Variants in THRB observed in about 807,000 individuals in gnomAD.
THRB encodes thyroid hormone receptor beta.
A neutral mutation model predicts 47.8 loss-of-function variants in THRB; 12 were observed. That is an observed-to-expected ratio of 0.25 (90% CI 0.16 to 0.41). The LOEUF is 0.41. Among genes scored for constraint, THRB ranks in the 10% least tolerant of loss-of-function variants. The pLI is 1.00. For missense variants in THRB, 348 were observed against 589.2 expected, an observed-to-expected ratio of 0.59 and a Z score of 4.24; for synonymous variants, 218 against 212.2, an observed-to-expected ratio of 1.03 and a Z score of -0.24.
intron 8 of THRB, among the ~76,000 whole-genome samples, chr3:24,135,286 G>T (rs1304332334): frequency 6.6e-6 from 1 of 152,190 alleles, no homozygotes; most frequent in Non-Finnish European, 1.5e-5. Flanking sequence ...GGGTCAACAG[G>T]AGCAGCCCAG....
At chr3:24,477,085 G>GGTGTGTGTGT (rs71855335) in intron 1 of THRB, among the ~76,000 whole-genome samples, 98 of 137,652 alleles carry the variant, frequency 7.1e-4, no homozygotes, top group African/African-American at 2.4e-3. Context: ...CATATAAAGG[G>GGTGTGTGTGT]GTGTGTGTGT....
chr3:24,316,301 A>AT, intron 2 of THRB, among the ~76,000 whole-genome samples: 1 of 152,206 alleles, frequency 6.6e-6, no homozygotes, highest in Non-Finnish European at 1.5e-5. Context: ...CTATCATGCC[A>AT]GTAACATTTC....
intron 1 of THRB, among the ~76,000 whole-genome samples, chr3:24,345,146 G>A (rs1322198224): frequency 1.3e-5 from 2 of 152,128 alleles, no homozygotes; most frequent in Non-Finnish European, 2.9e-5. Flanking sequence ...TTTATACGGT[G>A]CAACTATCAA....
intron 2 of THRB, among the ~76,000 whole-genome samples, chr3:24,324,425 G>A (rs1223597552): frequency 1.3e-5 from 2 of 151,990 alleles, no homozygotes; most frequent in Non-Finnish European, 2.9e-5. Flanking sequence ...CAAGCACACT[G>A]ACCAAGGCAT....
chr3:24,334,335 T>C (rs904013594), intron 2 of THRB, among the ~76,000 whole-genome samples: 2 of 152,190 alleles, frequency 1.3e-5, no homozygotes, highest in Admixed American at 6.5e-5. Context: ...ATGAGAAGTC[T>C]GCATTTTATA....
At chr3:24,297,517 A>C (rs1326366150) in intron 2 of THRB, 146 bp from the exon 3 acceptor site, 1 of 152,252 alleles carries the variant, frequency 6.6e-6, no homozygotes, top group East Asian at 1.9e-4. Flanking sequence ...CGAGTTATGA[A>C]GGCCCTATAA....
intron 3 of THRB, among the ~76,000 whole-genome samples, chr3:24,245,110 C>T (rs182454865): frequency 3.4e-4 from 52 of 152,298 alleles, no homozygotes; most frequent in Non-Finnish European, 6.9e-4. Flanking sequence ...CTCTTGGGGA[C>T]TGCTGCTATG....
intron 10 of THRB, among the ~76,000 whole-genome samples, chr3:24,127,233 A>G (rs963594737): frequency 2.0e-5 from 3 of 152,200 alleles, no homozygotes; most frequent in African/African-American, 4.8e-5. Context: ...AGGGCTGCAC[A>G]GTATCCACCA....
chr3:24,173,695 C>A (rs954964764), intron 5 of THRB, among the ~76,000 whole-genome samples: 1 of 152,208 alleles, frequency 6.6e-6, no homozygotes, highest in African/African-American at 2.4e-5. Flanking sequence ...CAGTCATCTT[C>A]AAGGGATGAT....
intron 3 of THRB, among the ~76,000 whole-genome samples, chr3:24,253,488 A>G (rs1220483392): frequency 1.3e-5 from 2 of 152,196 alleles, no homozygotes; most frequent in Admixed American, 6.5e-5. Flanking sequence ...TGGAATAAGC[A>G]GCAGCAAAGT....
chr3:24,396,430 T>A (rs71328479), intron 1 of THRB, among the ~76,000 whole-genome samples: 21,358 of 152,110 alleles, frequency 0.14, 1,785 homozygotes, highest in Middle Eastern at 0.23. Flanking sequence ...TTCACTTCAC[T>A]CTGTGGGTGT....
intron 5 of THRB, among the ~76,000 whole-genome samples, chr3:24,188,578 A>G (rs1429572113): frequency 6.6e-6 from 1 of 152,108 alleles, no homozygotes; most frequent in Non-Finnish European, 1.5e-5. Context: ...GAGTGAATCA[A>G]ATTGGGTTTA....
In THRB at chr3:24,168,269, T is replaced by C. The variant is rs147906166; in HGVS notation, c.284-15779A>G. On this transcript the variant is annotated intron_variant, in intron 5 of 10. Transcript: ENST00000646209. ...AGCAATCACATCTGTCACCTGTGAT[T>C]CAGTCTTGCATGCTTCTTTGTAAAG... Among the ~76,000 whole-genome samples the C allele has an allele frequency of 2.0e-3, 306 of 152,244 alleles. 2 individuals are homozygous for C. Among genetic ancestry groups the C allele is most frequent in the African/African-American group, 7.2e-3 (301 of 41,566 alleles).
intron 2 of THRB, among the ~76,000 whole-genome samples, chr3:24,331,772 T>C (rs1479352523): frequency 6.6e-6 from 1 of 152,178 alleles, no homozygotes; most frequent in Non-Finnish European, 1.5e-5. Flanking sequence ...CAATTTACTC[T>C]ACAAATTTGA....
intron 1 of THRB, among the ~76,000 whole-genome samples, chr3:24,441,816 A>T (rs1287302294): frequency 6.6e-6 from 1 of 152,108 alleles, no homozygotes; most frequent in African/African-American, 2.4e-5. Flanking sequence ...AGAAAACCCT[A>T]TCTCACTCTA....
intron 1 of THRB, among the ~76,000 whole-genome samples, chr3:24,370,078 C>T (rs537529958): frequency 6.6e-6 from 1 of 152,126 alleles, no homozygotes; most frequent in Non-Finnish European, 1.5e-5. Context: ...ACAGTAACTG[C>T]AGCAGTTGTT....
At chr3:24,397,494 A>G (rs984819675) in intron 1 of THRB, among the ~76,000 whole-genome samples, 19 of 152,216 alleles carry the variant, frequency 1.2e-4, no homozygotes, top group African/African-American at 4.1e-4. Context: ...TGTGTAAGCC[A>G]AGAAGCCATA....
At chr3:24,428,464 G>A (rs1175253751) in intron 1 of THRB, among the ~76,000 whole-genome samples, 2 of 152,026 alleles carry the variant, frequency 1.3e-5, no homozygotes, top group Admixed American at 6.6e-5. Context: ...GGGAATAAGC[G>A]CTCAGTGGAA....
At chr3:24,184,564 T>G (rs2042325133) in intron 5 of THRB, among the ~76,000 whole-genome samples, 3 of 152,172 alleles carry the variant, frequency 2.0e-5, no homozygotes, top group Non-Finnish European at 4.4e-5. Flanking sequence ...GTAGCTTTTC[T>G]CCCCCTTGGC....
Sources: gnomAD v4.1 joint callset for allele counts (sites outside exome capture counted in the v4.1 genomes callset) on GRCh38, gnomAD v4.1.1 for gene constraint, MANE v1.5 for transcripts, NCBI Gene and HGNC (gene_info 2026-07-23, HGNC 2026-07-21) for gene names.